GPATCH2L: variants seen among roughly 807,000 people sequenced by gnomAD.
GPATCH2L encodes G patch domain-containing protein 2-like.
GPATCH2L carries 31 observed loss-of-function variants against 57.4 expected under a neutral mutation model. The observed-to-expected ratio is 0.54, with a 90% CI of 0.41 to 0.73. GPATCH2L has a LOEUF of 0.73. Among genes scored for constraint, GPATCH2L ranks in the 30% least tolerant of loss-of-function variants. The pLI, the probability that GPATCH2L is intolerant of heterozygous loss-of-function variation, is 0.00. For missense variants in GPATCH2L, 481 were observed against 599.9 expected, an observed-to-expected ratio of 0.80 and a Z score of 2.07; for synonymous variants, 199 against 210.7, an observed-to-expected ratio of 0.94 and a Z score of 0.48.
intron 6 of GPATCH2L, 134 bp from the exon 7 acceptor site, chr14:76,177,854 T>C (rs767083361): frequency 1.4e-6 from 2 of 1,380,174 alleles, no homozygotes; most frequent in Non-Finnish European, 2.0e-6. Flanking sequence ...TCACTTCTTT[T>C]ATTGTTTTCT....
At position 76,205,856 on chromosome 14, in the gene GPATCH2L, A is replaced by C. The variant is rs898667425; in HGVS notation, c.*4005A>C. The C allele has an allele frequency of 1.3e-5, 2 of 152,360 alleles. No individual in the cohort carries two copies. The highest frequency in any genetic ancestry group is 3.8e-4 in the East Asian group (2 of 5,204). The allele number at this position is 152,360 out of a possible 1,614,324, so 9.4% of individuals were successfully genotyped here. ...CAGGTCTTTGTTTCATTTTGGCTTC[A>C]TTACTGTGATTCTGAGCCACACAGG... On this transcript the variant is annotated 3_prime_UTR_variant, in exon 10 of 10. Transcript: ENST00000261530.
intron 2 of GPATCH2L, among the ~76,000 whole-genome samples, chr14:76,232,818 G>A (rs1431167028): frequency 6.6e-6 from 1 of 152,164 alleles, no homozygotes; most frequent in Non-Finnish European, 1.5e-5. Flanking sequence ...GGCAACCAGG[G>A]AAGCTCACTC....
chr14:76,180,842 T>C lies in GPATCH2L; in HGVS notation c.1186T>C (p.Ser396Pro). The change falls in exon 8 of 10, where the codon TCT (serine) becomes CCT (proline). Residue 396 changes from serine (S) to proline (P), a missense_variant. Ser to Pro is a moderately conservative substitution (Grantham distance 74, BLOSUM62 -1). This residue lies in a region of GPATCH2L where 248 missense variants were observed against 270.5 expected (regional missense o/e 0.92). Coordinates refer to ENST00000261530, the MANE Select transcript of GPATCH2L (RefSeq NM_017926.4). Reference protein sequence around the residue: ...SHRRCSPAHCSARQANVHWGP... With the variant: ...SHRRCSPAHCPARQANVHWGP... ...CCGAAGGTGTTCACCAGCACACTGC[T>C]CTGCCAGGTAATTGTCTTTTAGTAG... The C allele has an allele frequency of 6.2e-7, 1 of 1,603,490 alleles. No homozygotes were observed. Among genetic ancestry groups the C allele is most frequent in the East Asian group, 2.2e-5 (1 of 44,826 alleles).
intron 2 of GPATCH2L, among the ~76,000 whole-genome samples, chr14:76,160,219 A>G (rs1236687639): frequency 6.6e-6 from 1 of 152,208 alleles, no homozygotes; most frequent in African/African-American, 2.4e-5. Flanking sequence ...CTCAACCTGT[A>G]GCTGCCTGAT....
At chr14:76,181,309 A>G (rs2039551995) in intron 8 of GPATCH2L, among the ~76,000 whole-genome samples, 2 of 152,032 alleles carry the variant, frequency 1.3e-5, no homozygotes, top group African/African-American at 4.8e-5. Context: ...GAAACTTTGC[A>G]CTTCTTCCCT....
chr14:76,188,059 T>C (rs2039834932), intron 8 of GPATCH2L, among the ~76,000 whole-genome samples: 2 of 152,170 alleles, frequency 1.3e-5, no homozygotes, highest in Non-Finnish European at 2.9e-5. Context: ...TCATTCTTTT[T>C]TATGGCTGAA....
At chr14:76,182,363 G>GAAAAAAAAAAAAA (rs3059799) in intron 8 of GPATCH2L, among the ~76,000 whole-genome samples, 1 of 85,618 alleles carries the variant, frequency 1.2e-5, no homozygotes, top group Non-Finnish European at 2.0e-5. Flanking sequence ...TCTCAGAAAA[G>GAAAAAAAAAAAAA]AAAAAAAAAA....
Position 76,154,904 on chromosome 14 carries a change from G to A in GPATCH2L, c.541G>A (p.Gly181Ser), listed in dbSNP as rs771066166. The change falls in exon 2 of 10, where the codon GGC becomes AGC. Residue 181 changes from glycine (G) to serine (S), a missense_variant. By Grantham distance (56) the Gly-to-Ser change is moderately conservative. Around this residue, in one of 3 missense-constraint regions of GPATCH2L, gnomAD observed 208 missense variants for 272.4 expected, o/e 0.76. Transcript: ENST00000261530. The surrounding 1 kb of genome is among the most constrained non-coding windows in gnomAD (Gnocchi z 4.4). ...WKENTPWTSS[G>S]HGLCESAENR... ...GGAGAATACTCCCTGGACCTCATCA[G>A]GCCACGGATTGTGTGAATCAGCAGA... The A allele has an allele frequency of 1.9e-6, 3 of 1,614,054 alleles. No homozygotes were observed. The highest frequency in any genetic ancestry group is 2.5e-6 in the Non-Finnish European group (3 of 1,180,016).
chr14:76,154,059 G>A lies in GPATCH2L; in HGVS notation c.-10-295G>A. 8.0e-6 allele frequency: 2 copies of A among 248,816 alleles called. No individual in the cohort carries two copies. The highest frequency in any genetic ancestry group is 1.5e-5 in the Non-Finnish European group (2 of 130,226). 15.4% of individuals were successfully genotyped at this position (248,816 alleles called of 1,614,324 possible). A position where few individuals can be genotyped will look rare whatever the true frequency, so the allele number is the denominator to read the frequency against. On this transcript the variant is annotated intron_variant, in intron 1 of 9. Coordinates refer to ENST00000261530, the MANE Select transcript of GPATCH2L (RefSeq NM_017926.4). The surrounding 1 kb of genome is among the most constrained non-coding windows in gnomAD (Gnocchi z 4.4). Reference sequence around the variant, plus strand: ...GAGAAGGATCTAGTCCCCCGAATTTGTTTTGGGTCCTGTCCCAGTTGTCTT... The same window carrying A: ...GAGAAGGATCTAGTCCCCCGAATTTATTTTGGGTCCTGTCCCAGTTGTCTT...
intron 9 of GPATCH2L, among the ~76,000 whole-genome samples, chr14:76,199,694 C>G (rs1027079946): frequency 6.6e-6 from 1 of 152,054 alleles, no homozygotes; most frequent in Non-Finnish European, 1.5e-5. Context: ...AAATTGGAAC[C>G]CTTGTGTAGT....
chr14:76,172,320 A>C (rs1261527138), intron 4 of GPATCH2L, among the ~76,000 whole-genome samples: 2 of 152,216 alleles, frequency 1.3e-5, no homozygotes, highest in African/African-American at 4.8e-5. Flanking sequence ...TGAAACTAAG[A>C]GGTTATTGAG....
chr14:76,180,763 G>A lies in GPATCH2L; in HGVS notation c.1108-1G>A. ...TAAAATAGTCTTATTCATTCCTGCA[G>A]TTCAATCCCCTGTCTCCCCTTTACT... On this transcript the variant is annotated splice_acceptor_variant, in intron 7 of 9. Coordinates refer to ENST00000261530, the MANE Select transcript of GPATCH2L (RefSeq NM_017926.4). LOFTEE classifies it high-confidence loss of function. 6.2e-7 allele frequency: 1 copy of A among 1,605,494 alleles called. No individual in the cohort carries two copies. Among genetic ancestry groups the A allele is most frequent in the Non-Finnish European group, 8.5e-7 (1 of 1,172,130 alleles).
At chr14:76,157,485 C>G (rs940195408) in intron 2 of GPATCH2L, among the ~76,000 whole-genome samples, 3 of 152,168 alleles carry the variant, frequency 2.0e-5, no homozygotes, top group Admixed American at 2.0e-4. Flanking sequence ...GAAATACTTT[C>G]AAGAATCTTC....
intron 2 of GPATCH2L, among the ~76,000 whole-genome samples, chr14:76,156,840 G>C (rs1013053033): frequency 1.3e-5 from 2 of 152,196 alleles, no homozygotes; most frequent in Non-Finnish European, 2.9e-5. Context: ...TGCAGAGCCT[G>C]TTTTCTAGCA....
chr14:76,205,259 C>G lies in GPATCH2L; in HGVS notation c.*3408C>G, dbSNP rs1285600635. The G allele has an allele frequency of 1.3e-5, 2 of 152,196 alleles. No homozygotes were observed. The highest frequency in any genetic ancestry group is 1.5e-5 in the Non-Finnish European group (1 of 68,080). 9.4% of individuals were successfully genotyped at this position (152,196 alleles called of 1,614,324 possible). A position where few individuals can be genotyped will look rare whatever the true frequency, so the allele number is the denominator to read the frequency against. On this transcript the variant is annotated 3_prime_UTR_variant, in exon 10 of 10. Coordinates refer to ENST00000261530, the MANE Select transcript of GPATCH2L (RefSeq NM_017926.4). ...TGTTGTAATAATAGGTGCGAGCCAC[C>G]ATGCCCAGCCTTGTGTTGCCTCTTG...
intron 8 of GPATCH2L, among the ~76,000 whole-genome samples, chr14:76,181,858 A>T (rs536403850): frequency 2.1e-4 from 32 of 152,156 alleles, no homozygotes; most frequent in Non-Finnish European, 3.8e-4. Flanking sequence ...TTTATTCCTA[A>T]TAAGTTCTTA....
At chr14:76,229,629 T>G (rs1486112989) in intron 1 of GPATCH2L, among the ~76,000 whole-genome samples, 1 of 152,106 alleles carries the variant, frequency 6.6e-6, no homozygotes, top group East Asian at 1.9e-4. Context: ...ATAAGGTGGC[T>G]CACTTGCCTT....
At chr14:76,183,916 T>C (rs769333679) in intron 8 of GPATCH2L, among the ~76,000 whole-genome samples, 3 of 152,172 alleles carry the variant, frequency 2.0e-5, no homozygotes, top group Non-Finnish European at 2.9e-5. Flanking sequence ...AAAAACTGTT[T>C]CCAGTGGAAA....
chr14:76,220,183 A>G (rs1168258251), intron 1 of GPATCH2L, among the ~76,000 whole-genome samples: 1 of 152,182 alleles, frequency 6.6e-6, no homozygotes, highest in Non-Finnish European at 1.5e-5. Flanking sequence ...AGGCTTTAAT[A>G]CCAGGAGGTT....
Sources: gnomAD v4.1 joint callset for allele counts (sites outside exome capture counted in the v4.1 genomes callset) on GRCh38, gnomAD v4.1.1 for gene constraint, gnomAD v4.1.1 regional missense constraint, Gnocchi (gnomAD v3.1) non-coding constraint, MANE v1.5 for transcripts, NCBI Gene and HGNC (gene_info 2026-07-23, HGNC 2026-07-21) for gene names.